UPP2: variants seen among roughly 807,000 people sequenced by gnomAD.
UPP2 encodes the protein UPase 2.
A neutral mutation model predicts 26.7 loss-of-function variants in UPP2; 23 were observed. That is an observed-to-expected ratio of 0.86 (90% CI 0.62 to 1.22). The LOEUF is 1.22. UPP2 is among the 50% of genes most tolerant of loss of function. UPP2 has a pLI of 0.00. For missense variants in UPP2, 387 were observed against 396.7 expected, an observed-to-expected ratio of 0.98 and a Z score of 0.21; for synonymous variants, 127 against 141.3, an observed-to-expected ratio of 0.90 and a Z score of 0.72.
chr2:158,105,869 T>C lies in UPP2; in HGVS notation c.63-230T>C, dbSNP rs1184391182. On this transcript the variant is annotated intron_variant, in intron 1 of 6. Transcript: ENST00000005756. Reference sequence around the variant, plus strand: ...TCTTACCCAGCTAAGAGGGCAGTTATGGGACAAATGAGTTAATGCATTTGT... The same window carrying C: ...TCTTACCCAGCTAAGAGGGCAGTTACGGGACAAATGAGTTAATGCATTTGT... 2.0e-5 allele frequency among the ~76,000 whole-genome samples: 3 copies of C among 152,246 alleles called. No homozygotes were observed. In the East Asian group the frequency reaches 5.8e-4, roughly 29 times the overall value.
chr2:158,070,518 G>A (rs75238510), intron 3 of UPP2, among the ~76,000 whole-genome samples: 3,930 of 152,312 alleles, frequency 0.026, 167 homozygotes, highest in African/African-American at 0.09. Flanking sequence ...TCAGAACCCT[G>A]GTATTCTGAC....
chr2:158,103,389 T>A (rs7559298), intron 1 of UPP2, among the ~76,000 whole-genome samples: 3,764 of 152,168 alleles, frequency 0.025, 158 homozygotes, highest in African/African-American at 0.083. Context: ...AGATAGGAAG[T>A]GTGTGTATAG....
At chr2:158,088,775 A>G (rs367597973) in intron 3 of UPP2, among the ~76,000 whole-genome samples, 3 of 152,274 alleles carry the variant, frequency 2.0e-5, no homozygotes, top group East Asian at 3.9e-4. Context: ...ACCCATTGCA[A>G]CTACTGGACT....
At chr2:158,117,659 G>T (rs1242269404) in intron 3 of UPP2, among the ~76,000 whole-genome samples, 165 bp from the exon 4 acceptor site, 1 of 151,970 alleles carries the variant, frequency 6.6e-6, no homozygotes, top group African/African-American at 2.4e-5. Flanking sequence ...AGCATGTCAT[G>T]TAGGTGCCAA....
At chr2:158,029,768 T>A (rs1683895793) in intron 3 of UPP2, among the ~76,000 whole-genome samples, 1 of 151,864 alleles carries the variant, frequency 6.6e-6, no homozygotes, top group South Asian at 2.1e-4. Flanking sequence ...CTTCTTGAAG[T>A]TTCTCATATT....
At chr2:158,092,446 T>A (rs773491491) in intron 3 of UPP2, among the ~76,000 whole-genome samples, 1 of 152,162 alleles carries the variant, frequency 6.6e-6, no homozygotes, top group Non-Finnish European at 1.5e-5. Flanking sequence ...AAACATCCCA[T>A]GAGTGCTGAG....
At chr2:158,000,840 G>T (rs1277300832) in intron 2 of UPP2, among the ~76,000 whole-genome samples, 1 of 152,218 alleles carries the variant, frequency 6.6e-6, no homozygotes, top group Non-Finnish European at 1.5e-5. Context: ...GGGAATTTGG[G>T]TCTACAAAAC....
intron 2 of UPP2, among the ~76,000 whole-genome samples, chr2:157,997,667 C>T (rs1214678080): frequency 2.0e-5 from 3 of 152,188 alleles, no homozygotes; most frequent in Non-Finnish European, 2.9e-5. Flanking sequence ...AAGCCGTTGT[C>T]TCCCAGTTGG....
chr2:158,080,884 G>A (rs1445704798), intron 3 of UPP2, among the ~76,000 whole-genome samples: 1 of 152,146 alleles, frequency 6.6e-6, no homozygotes, highest in Non-Finnish European at 1.5e-5. Flanking sequence ...GGAGAGAGGA[G>A]AGGAAAGATC....
upstream of UPP2, among the ~76,000 whole-genome samples, chr2:158,098,056 A>G (rs541959242): frequency 1.4e-4 from 22 of 152,180 alleles, no homozygotes; most frequent in Non-Finnish European, 2.9e-4. Flanking sequence ...TTATACTGTC[A>G]TTAACACAAA....
At chr2:158,027,110 C>T (rs1158168883) in intron 3 of UPP2, among the ~76,000 whole-genome samples, 1 of 152,154 alleles carries the variant, frequency 6.6e-6, no homozygotes, top group Admixed American at 6.5e-5. Flanking sequence ...TCCTCCAAAT[C>T]TCATGTCCTC....
At chr2:158,058,021 A>G (rs1231746729) in intron 3 of UPP2, among the ~76,000 whole-genome samples, 5 of 152,238 alleles carry the variant, frequency 3.3e-5, no homozygotes, top group East Asian at 3.9e-4. Context: ...GCCTGGGCGC[A>G]GTGGCTCACT....
At chr2:158,010,500 A>T (rs974148608) in intron 2 of UPP2, among the ~76,000 whole-genome samples, 26 of 152,204 alleles carry the variant, frequency 1.7e-4, no homozygotes, top group Middle Eastern at 3.4e-3. Flanking sequence ...TCCACTAAAG[A>T]TATGTTGCAT....
intron 3 of UPP2, among the ~76,000 whole-genome samples, chr2:158,043,740 A>G (rs561868228): frequency 1.3e-5 from 2 of 152,294 alleles, no homozygotes; most frequent in East Asian, 1.9e-4. Context: ...AGTTACGACC[A>G]TCTGGTTGGG....
At chr2:158,074,846 A>T (rs1222549094) in intron 3 of UPP2, among the ~76,000 whole-genome samples, 49 of 148,666 alleles carry the variant, frequency 3.3e-4, no homozygotes, top group Non-Finnish European at 4.5e-4. Flanking sequence ...TTTTTTTTTT[A>T]AAAGACCAAT....
intron 3 of UPP2, among the ~76,000 whole-genome samples, chr2:158,018,667 C>A (rs1389864973): frequency 6.6e-6 from 1 of 152,162 alleles, no homozygotes; most frequent in East Asian, 1.9e-4. Context: ...TACTTTAGGC[C>A]ATGTTAGGTG....
At chr2:158,128,473 T>C (rs1683738418) in intron 6 of UPP2, among the ~76,000 whole-genome samples, 1 of 152,188 alleles carries the variant, frequency 6.6e-6, no homozygotes, top group African/African-American at 2.4e-5. Flanking sequence ...TAAATCCAGA[T>C]TTTGAAAAAT....
intron 2 of UPP2, among the ~76,000 whole-genome samples, chr2:158,010,122 C>T (rs1683552734): frequency 6.6e-6 from 1 of 152,056 alleles, no homozygotes; most frequent in Admixed American, 6.5e-5. Context: ...TAAATTAATG[C>T]ATGTATTTTG....
chr2:158,037,316 A>G (rs950642950), intron 3 of UPP2, among the ~76,000 whole-genome samples: 9 of 152,150 alleles, frequency 5.9e-5, no homozygotes, highest in South Asian at 2.1e-4. Flanking sequence ...CGGAGGTTGC[A>G]GTGAGCCGAG....
Sources: gnomAD v4.1 joint callset for allele counts (sites outside exome capture counted in the v4.1 genomes callset) on GRCh38, gnomAD v4.1.1 for gene constraint, MANE v1.5 for transcripts, NCBI Gene and HGNC (gene_info 2026-07-23, HGNC 2026-07-21) for gene names.